AFM: variants seen among roughly 807,000 people sequenced by gnomAD.
AFM encodes the protein afamin, also known as alpha-Alb.
AFM carries 82 observed loss-of-function variants against 68.7 expected under a neutral mutation model. The observed-to-expected ratio is 1.19, with a 90% CI of 1.00 to 1.43. The LOEUF is 1.43. Among genes scored for constraint, AFM ranks in the 40% most tolerant of loss-of-function variants. AFM has a pLI of 0.00. For synonymous variants in AFM, 250 were observed against 234.2 expected (o/e 1.07, Z -0.61); for missense variants, 772 against 701.8 (o/e 1.10, Z -1.13).
chr4:73,484,121 G>C (rs897784580), intron 2 of AFM, 132 bp downstream of exon 2: 1 of 1,387,168 alleles, frequency 7.2e-7, no homozygotes, highest in East Asian at 2.5e-5. Context: ...TAAAATTCAG[G>C]CAAAGAAGTT....
intron 9 of AFM, 149 bp from the exon 10 acceptor site, chr4:73,497,503 C>A: frequency 2.4e-6 from 1 of 408,282 alleles, no homozygotes; most frequent in Non-Finnish European, 4.2e-6. Flanking sequence ...AGTTCTTGCA[C>A]GTGCTTGTAA....
chr4:73,489,134 T>C (rs1720998023), intron 7 of AFM, among the ~76,000 whole-genome samples: 1 of 152,178 alleles, frequency 6.6e-6, no homozygotes, highest in African/African-American at 2.4e-5. Flanking sequence ...TAACATTATG[T>C]TTTTAAGAGC....
intron 4 of AFM, 89 bp from the exon 5 acceptor site, chr4:73,486,878 T>TTCCCA: frequency 8.9e-7 from 1 of 1,126,860 alleles, no homozygotes; most frequent in Non-Finnish European, 1.2e-6. Context: ...TTACCCTCCC[T>TTCCCA]TCCCTTCCCT....
chr4:73,503,294 G>C (rs909619482), intron 14 of AFM, among the ~76,000 whole-genome samples, 184 bp downstream of exon 14: 2 of 152,010 alleles, frequency 1.3e-5, no homozygotes, highest in African/African-American at 4.8e-5. Context: ...CTCCTTATGG[G>C]GTGGCAATGC....
intron 3 of AFM, among the ~76,000 whole-genome samples, chr4:73,484,669 G>A (rs762992739): frequency 1.3e-5 from 2 of 151,628 alleles, no homozygotes; most frequent in Non-Finnish European, 2.9e-5. Context: ...CTAGTAGCTG[G>A]GATCACAGGC....
At chr4:73,501,700 G>T in intron 12 of AFM, 87 bp from the exon 13 acceptor site, 1 of 1,433,504 alleles carries the variant, frequency 7.0e-7, no homozygotes, top group South Asian at 1.3e-5. Flanking sequence ...TGAGACTCAA[G>T]ACGTGATTCT....
chr4:73,494,183 A>G (rs1249639666), intron 8 of AFM, among the ~76,000 whole-genome samples: 1 of 152,086 alleles, frequency 6.6e-6, no homozygotes, highest in East Asian at 1.9e-4. Flanking sequence ...GCCATGGGAT[A>G]TGGGAATATA....
chr4:73,495,488 TA>T, intron 9 of AFM, 56 bp downstream of exon 9: 1 of 1,579,108 alleles, frequency 6.3e-7, no homozygotes, highest in Non-Finnish European at 8.6e-7. Flanking sequence ...AGAAAACACT[TA>T]AAAATTGATA....
In AFM at chr4:73,499,148, C is replaced by G. The variant is rs947589400; in HGVS notation, c.1324C>G (p.Leu442Val). The G allele has an allele frequency of 1.2e-6, 2 of 1,613,498 alleles. No individual in the cohort carries two copies. The highest frequency in any genetic ancestry group is 1.7e-5 in the Admixed American group (1 of 59,972). Residue 442 changes from leucine to valine, a missense_variant, in exon 11 of 15, where the codon CTC (leucine) becomes GTC (valine). By Grantham distance (32) the Leu-to-Val change is conservative (BLOSUM62 1). Transcript: ENST00000226355. The part of the protein sequence containing the change: ...LIRLTKIAPQ[L>V]STEELVSLGE... Reference sequence around the variant, plus strand: ...CAGGCTCACGAAGATAGCTCCCCAACTCTCCACTGAAGAACTGGTGTCTCT... The same window carrying G: ...CAGGCTCACGAAGATAGCTCCCCAAGTCTCCACTGAAGAACTGGTGTCTCT...
At position 73,484,364 on chromosome 4, in the gene AFM, A is replaced by G; in HGVS notation, c.244A>G (p.Thr82Ala). The stretch of plus-strand genomic sequence containing the variant: ...CAAAGACAGATGTATGGCTGACAAG[A>G]CGCTCCCAGAGTGTTCAAAATTACC... ...EYKDRCMADK[T>A]LPECSKLPNN... The change falls in exon 3 of 15, where the codon ACG becomes GCG. Residue 82 changes from threonine (T) to alanine (A), a missense_variant. Coordinates refer to ENST00000226355, the MANE Select transcript of AFM (RefSeq NM_001133.2). The G allele has an allele frequency of 6.2e-7, 1 of 1,611,452 alleles. No homozygotes were observed. The highest frequency in any genetic ancestry group is 8.5e-7 in the Non-Finnish European group (1 of 1,178,954).
In AFM at chr4:73,484,279, G is replaced by C; in HGVS notation, c.159G>C (p.Gln53His). The C allele has an allele frequency of 6.2e-7, 1 of 1,612,320 alleles. No individual in the cohort carries two copies. The highest frequency in any genetic ancestry group is 8.5e-7 in the Non-Finnish European group (1 of 1,179,472). ...IEYITIIAFAQYVQEATFEEM... is the reference protein window; with the variant it reads ...IEYITIIAFAHYVQEATFEEM... ...GCAGCACCATCATTGCATTTGCTCA[G>C]TATGTTCAGGAAGCAACCTTTGAAG... Residue 53 changes from glutamine to histidine, a missense_variant, in exon 3 of 15, where the codon CAG becomes CAC. By Grantham distance (24) the Gln-to-His change is conservative (BLOSUM62 0). Coordinates refer to ENST00000226355, the MANE Select transcript of AFM (RefSeq NM_001133.2).
At chr4:73,502,051 C>G in intron 13 of AFM, 132 bp downstream of exon 13, 1 of 971,108 alleles carries the variant, frequency 1.0e-6, no homozygotes, top group South Asian at 1.8e-5. Context: ...AATTGCTACA[C>G]AACTAATATG....
rs550289850 is a variant in AFM at position 73,484,279 on chromosome 4, G to T, written c.159G>T (p.Gln53His). 1.2e-6 allele frequency: 2 copies of T among 1,612,320 alleles called. No individual in the cohort carries two copies. The highest frequency in any genetic ancestry group is 1.1e-5 in the South Asian group (1 of 90,748). Reference protein sequence around the residue: ...IEYITIIAFAQYVQEATFEEM... With the variant: ...IEYITIIAFAHYVQEATFEEM... The stretch of plus-strand genomic sequence containing the variant: ...GCAGCACCATCATTGCATTTGCTCA[G>T]TATGTTCAGGAAGCAACCTTTGAAG... The change falls in exon 3 of 15, where the codon CAG becomes CAT. Residue 53 changes from glutamine (Q) to histidine (H), a missense_variant. Physicochemically the swap from Gln to His is conservative, Grantham distance 24. Coordinates refer to ENST00000226355, the MANE Select transcript of AFM (RefSeq NM_001133.2).
In AFM at chr4:73,485,877, G is replaced by GA. The variant is rs752382491; in HGVS notation, c.292dup (p.Ile98AsnfsTer12). On this transcript the variant is annotated frameshift_variant, in exon 4 of 15. Transcript: ENST00000226355. LOFTEE classifies it high-confidence loss of function. Reference sequence around the variant, plus strand: ...TGTTGTATAGAATAATGTTTTACAGGAAAAAATATGTGCTATGGAGGGGCT... The same window carrying GA: ...TGTTGTATAGAATAATGTTTTACAGGAAAAAAATATGTGCTATGGAGGGGCT... The GA allele has an allele frequency of 3.7e-6, 6 of 1,613,764 alleles. No homozygotes were observed. In the South Asian group the frequency reaches 4.4e-5, roughly 12 times the overall value.
chr4:73,484,907 G>A (rs1407825590), intron 3 of AFM, among the ~76,000 whole-genome samples: 3 of 152,132 alleles, frequency 2.0e-5, no homozygotes, highest in Non-Finnish European at 2.9e-5. Flanking sequence ...TTGAAAATAT[G>A]AAATGAAAGA....
chr4:73,482,657 C>T (rs931054502), intron 1 of AFM, among the ~76,000 whole-genome samples: 1 of 152,144 alleles, frequency 6.6e-6, no homozygotes. Context: ...TCTTTTGTAT[C>T]TATATTTTCC....
chr4:73,492,602 G>A (rs1052255511), intron 8 of AFM, among the ~76,000 whole-genome samples: 1 of 150,890 alleles, frequency 6.6e-6, no homozygotes, highest in African/African-American at 2.5e-5. Flanking sequence ...TTGAGTTGCT[G>A]GGACAAGTTA....
At position 73,503,051 on chromosome 4, in the gene AFM, G is replaced by A. The variant is rs756852959; in HGVS notation, c.1781G>A (p.Ser594Asn). ...ESPEVCFNEESPKIGN is the reference protein window; with the variant it reads ...ESPEVCFNEENPKIGN Reference sequence around the variant, plus strand: ...TTTTATTTCCATCCCTCACCTCAGAGTCCAAAAATTGGCAACTGAAGCCAG... The same window carrying A: ...TTTTATTTCCATCCCTCACCTCAGAATCCAAAAATTGGCAACTGAAGCCAG... The change falls in exon 14 of 15, where the codon AGT becomes AAT. Residue 594 changes from serine (S) to asparagine (N), a missense_variant and splice_region_variant. Coordinates refer to ENST00000226355, the MANE Select transcript of AFM (RefSeq NM_001133.2). 6.2e-7 allele frequency: 1 copy of A among 1,613,000 alleles called. No homozygotes were observed. Among genetic ancestry groups the A allele is most frequent in the South Asian group, 1.1e-5 (1 of 91,036 alleles).
At position 73,486,954 on chromosome 4, in the gene AFM, T is replaced by G; in HGVS notation, c.483-13T>G. On this transcript the variant is annotated splice_polypyrimidine_tract_variant and intron_variant, in intron 4 of 14. Coordinates refer to ENST00000226355, the MANE Select transcript of AFM (RefSeq NM_001133.2). ...CTCACCCGTCTTCTCTCTTTCATTT[T>G]TATTTTTTATAGCTTTTTATATGAA... The G allele has an allele frequency of 6.2e-7, 1 of 1,609,170 alleles. No individual in the cohort carries two copies. Among genetic ancestry groups the G allele is most frequent in the South Asian group, 1.1e-5 (1 of 90,232 alleles).
Sources: gnomAD v4.1 joint callset for allele counts (sites outside exome capture counted in the v4.1 genomes callset) on GRCh38, gnomAD v4.1.1 for gene constraint, MANE v1.5 for transcripts, NCBI Gene and HGNC (gene_info 2026-07-23, HGNC 2026-07-21) for gene names.